ESRRG: variants seen among roughly 807,000 people sequenced by gnomAD.
ESRRG encodes the protein estrogen related receptor gamma, also known as estrogen-related receptor gamma.
Under a neutral mutation model 44.0 loss-of-function variants are expected in ESRRG, and 13 were observed. The ratio of observed to expected loss-of-function variants is 0.30; its 90% CI spans 0.19 to 0.47. ESRRG has a LOEUF of 0.47. ESRRG is among the 20% of genes least tolerant of loss of function. The probability of loss-of-function intolerance (pLI) is 1.00; values close to 1 mark genes in which losing one functional copy is unlikely to be tolerated. For missense variants in ESRRG, 395 were observed against 580.6 expected (o/e 0.68, Z 3.29); for synonymous variants, 215 against 214.6 (o/e 1.00, Z -0.02).
intron 1 of ESRRG, among the ~76,000 whole-genome samples, chr1:216,981,065 A>G (rs561417551): frequency 9.2e-5 from 14 of 152,238 alleles, no homozygotes; most frequent in African/African-American, 3.4e-4. Flanking sequence ...CCAGTCACTA[A>G]TTACGTAGCA....
At chr1:216,632,381 C>A (rs2064380154) in intron 3 of ESRRG, among the ~76,000 whole-genome samples, 3 of 152,130 alleles carry the variant, frequency 2.0e-5, no homozygotes, top group Non-Finnish European at 4.4e-5. Context: ...TTTCATTCTT[C>A]CAATTTCAAG....
At chr1:216,767,964 A>T (rs192308158) in intron 2 of ESRRG, among the ~76,000 whole-genome samples, 287 of 152,260 alleles carry the variant, frequency 1.9e-3, no homozygotes, top group African/African-American at 6.6e-3. Context: ...CAAGGTGAAA[A>T]GTCAACAAAT....
chr1:217,113,343 T>C (rs1419751854), intron 1 of ESRRG, among the ~76,000 whole-genome samples: 1 of 152,200 alleles, frequency 6.6e-6, no homozygotes, highest in East Asian at 1.9e-4. Flanking sequence ...TGTGGATCAG[T>C]AACTGCTGTG....
chr1:217,057,388 A>G (rs1398279164), intron 1 of ESRRG, among the ~76,000 whole-genome samples: 3 of 152,180 alleles, frequency 2.0e-5, no homozygotes, highest in Non-Finnish European at 4.4e-5. Context: ...AATCCCATAG[A>G]AAGTGATTAT....
At chr1:217,125,687 A>G (rs773046291) in intron 1 of ESRRG, among the ~76,000 whole-genome samples, 15 of 152,364 alleles carry the variant, frequency 9.8e-5, no homozygotes, top group Admixed American at 3.9e-4. Flanking sequence ...ACCTCAAGTA[A>G]GAACAACCTC....
intron 2 of ESRRG, among the ~76,000 whole-genome samples, chr1:216,769,609 G>A (rs1235077076): frequency 6.6e-6 from 1 of 152,042 alleles, no homozygotes; most frequent in Non-Finnish European, 1.5e-5. Context: ...CATTTACATA[G>A]TCAAGAAACA....
intron 6 of ESRRG, among the ~76,000 whole-genome samples, chr1:216,515,334 C>CG (rs548183908): frequency 6.6e-6 from 1 of 151,766 alleles, no homozygotes; most frequent in East Asian, 1.9e-4. Flanking sequence ...ACTATTTCAT[C>CG]GGGGGGTTAT....
intron 1 of ESRRG, among the ~76,000 whole-genome samples, chr1:216,706,624 C>T (rs941523406): frequency 3.9e-5 from 6 of 152,146 alleles, no homozygotes; most frequent in South Asian, 4.1e-4. Context: ...CTGAGACAAG[C>T]ACTCAGTAAC....
intron 1 of ESRRG, among the ~76,000 whole-genome samples, chr1:217,080,682 T>G (rs1363911714): frequency 1.1e-5 from 1 of 94,282 alleles, no homozygotes; most frequent in African/African-American, 3.3e-5. Flanking sequence ...TTTTTTTTTT[T>G]TTTTTTTTTT....
At chr1:217,124,647 G>A (rs1287907307) in intron 1 of ESRRG, among the ~76,000 whole-genome samples, 1 of 152,026 alleles carries the variant, frequency 6.6e-6, no homozygotes, top group African/African-American at 2.4e-5. Flanking sequence ...ACACTTGCCA[G>A]GTCACTTTGT....
chr1:216,952,364 T>G (rs561651341), intron 1 of ESRRG, among the ~76,000 whole-genome samples: 65 of 152,278 alleles, frequency 4.3e-4, no homozygotes, highest in African/African-American at 1.3e-3. Flanking sequence ...AAGGGCAGCG[T>G]GGAAACGGGA....
chr1:216,876,277 C>T (rs1475467374), intron 2 of ESRRG, among the ~76,000 whole-genome samples: 1 of 152,054 alleles, frequency 6.6e-6, no homozygotes, highest in Non-Finnish European at 1.5e-5. Context: ...AATGTAAGTA[C>T]TACAAACATT....
At chr1:216,605,170 T>C (rs148343414) in intron 3 of ESRRG, among the ~76,000 whole-genome samples, 123 of 152,336 alleles carry the variant, frequency 8.1e-4, no homozygotes, top group African/African-American at 2.9e-3. Context: ...GCATTAATAT[T>C]GTTGGTCAGA....
Position 216,503,503 on chromosome 1 carries a change from T to C in ESRRG, c.*3436A>G, listed in dbSNP as rs1310169198. The C allele has an allele frequency of 6.6e-6, 1 of 152,346 alleles. No homozygotes were observed. The highest frequency in any genetic ancestry group is 1.9e-4 in the East Asian group (1 of 5,186). 9.4% of individuals were successfully genotyped at this position (152,346 alleles called of 1,614,324 possible). A position where few individuals can be genotyped will look rare whatever the true frequency, so the allele number is the denominator to read the frequency against. ...CCATCTACAGCTATAGACATGGTTT[T>C]ATTATTATTATTATTATTTTTACTA... is the stretch of plus-strand genomic sequence containing the variant. On this transcript the variant is annotated 3_prime_UTR_variant, in exon 7 of 7. Transcript: ENST00000408911.
At chr1:216,671,057 TC>T (rs2075074905) in intron 2 of ESRRG, among the ~76,000 whole-genome samples, 1 of 152,168 alleles carries the variant, frequency 6.6e-6, no homozygotes, top group Non-Finnish European at 1.5e-5. Context: ...TGTACTCTTG[TC>T]CTAGGTCCTG....
In ESRRG at chr1:216,859,634, G is replaced by A. The variant is rs1011944659; in HGVS notation, c.-14+79948C>T. 4.6e-5 allele frequency among the ~76,000 whole-genome samples: 7 copies of A among 152,128 alleles called. No homozygotes were observed. The East Asian group carries it at 7.7e-4, about 17-fold the overall frequency. ...ATCACCCAGATTGGAAAAACCTCAT[G>A]ATTCATGGGACATTGGGTGGGGTAC... On this transcript the variant is annotated intron_variant, in intron 2 of 7. Coordinates refer to the ESRRG transcript ENST00000359162.
At chr1:216,671,627 G>T (rs983931216) in intron 2 of ESRRG, among the ~76,000 whole-genome samples, 1 of 152,170 alleles carries the variant, frequency 6.6e-6, no homozygotes, top group African/African-American at 2.4e-5. Context: ...AGGGGTTAAG[G>T]TCTCACAGCT....
At chr1:216,554,165 T>C (rs1200027075) in intron 5 of ESRRG, among the ~76,000 whole-genome samples, 1 of 151,928 alleles carries the variant, frequency 6.6e-6, no homozygotes, top group Non-Finnish European at 1.5e-5. Flanking sequence ...TTAAGATACA[T>C]CATTTGAGGC....
At chr1:216,530,136 G>A (rs6669135) in intron 5 of ESRRG, among the ~76,000 whole-genome samples, 2 of 141,544 alleles carry the variant, frequency 1.4e-5, no homozygotes, top group African/African-American at 5.3e-5. Flanking sequence ...AAAAAAAAGG[G>A]GGTGGGGGAA....
Sources: gnomAD v4.1 joint callset for allele counts (sites outside exome capture counted in the v4.1 genomes callset) on GRCh38, gnomAD v4.1.1 for gene constraint, MANE v1.5 for transcripts, NCBI Gene and HGNC (gene_info 2026-07-23, HGNC 2026-07-21) for gene names.